RYR1: variants seen among roughly 807,000 people sequenced by gnomAD.
RYR1 encodes ryanodine receptor 1, also known as central core disease of muscle.
Under a neutral mutation model 583.5 loss-of-function variants are expected in RYR1, and 342 were observed. The ratio of observed to expected loss-of-function variants is 0.59; its 90% CI spans 0.54 to 0.64. The LOEUF (loss-of-function observed/expected upper bound fraction) is 0.64, where lower values mean the gene tolerates loss of function less well. RYR1 is among the 30% of genes least tolerant of loss of function. The probability of loss-of-function intolerance (pLI) is 0.00; values close to 1 mark genes in which losing one functional copy is unlikely to be tolerated. For synonymous variants in RYR1, 2,791 were observed against 2,822.5 expected (o/e 0.99, Z 0.35); for missense variants, 6,032 against 6,917.2 (o/e 0.87, Z 4.54).
rs367827130 is a variant in RYR1, at chr19:38,571,970, G to T, written c.13747-49G>T. 6 of 1,612,634 alleles carry T rather than the reference G, an allele frequency of 3.7e-6. No individual in the cohort carries two copies. The African/African-American group carries it at 8.0e-5, about 22-fold the overall frequency. On this transcript the variant is annotated intron_variant, in intron 94 of 105. Transcript: ENST00000359596. Reference sequence around the variant, plus strand: ...GGAATGGAGGCTCAATTTTGTGAGTGGGCTCTGCATGTGGCAGACCCACAG... The same window carrying T: ...GGAATGGAGGCTCAATTTTGTGAGTTGGCTCTGCATGTGGCAGACCCACAG...
Position 38,550,639 on chromosome 19 carries a change from G to C in RYR1, c.12282+2219G>C, listed in dbSNP as rs139659115. ...GATCCTCCTGCCTCAGCCACCCAAA[G>C]TGCTGGGATTACAGGTGTGAGTCAC... On this transcript the variant is annotated intron_variant, in intron 89 of 105. Transcript: ENST00000359596. Among the ~76,000 whole-genome samples the C allele has an allele frequency of 7.7e-3, 1,167 of 152,168 alleles. 30 individuals are homozygous for C. The highest frequency in any genetic ancestry group is 0.067 in the East Asian group (348 of 5,174).
chr19:38,519,711 C>T (rs1971139304), intron 67 of RYR1, among the ~76,000 whole-genome samples: 1 of 152,074 alleles, frequency 6.6e-6, no homozygotes, highest in African/African-American at 2.4e-5. Flanking sequence ...CAGAGCCTCG[C>T]TTTATTGCCC....
rs747337318 is a variant in RYR1 at position 38,502,924 on chromosome 19, T to C, written c.7880T>C (p.Val2627Ala). 6 of 1,611,624 alleles carry C rather than the reference T, an allele frequency of 3.7e-6. No homozygotes were observed. The African/African-American group carries it at 4.0e-5, about 11-fold the overall frequency. ...CTGCAGCACCTGTTGCGCCGCCTGG[T>C]GTTCGACGTGCCCATCCTCAACGAG... ...SMLQHLLRRL[V>A]FDVPILNEFA... The change falls in exon 49 of 106, where the codon GTG becomes GCG. Residue 2627 changes from valine to alanine, a missense_variant. Val to Ala is a moderately conservative substitution (Grantham distance 64, BLOSUM62 0). Around this residue, in one of 11 missense-constraint regions of RYR1, gnomAD observed 250 missense variants for 162.3 expected, o/e 1.54. Transcript: ENST00000359596.
intron 42 of RYR1, 98 bp downstream of exon 42, chr19:38,497,052 G>C: frequency 9.7e-7 from 1 of 1,026,738 alleles, no homozygotes; most frequent in Non-Finnish European, 1.5e-6. Context: ...ATTCTGGGGG[G>C]CAATTCTGGA....
Position 38,543,967 on chromosome 19 carries a change from C to T in RYR1, c.12012+92C>T. ...TTGCCCCTTTGGTCAGTTTGTCACCCGAGTGCTCCCGGCATGTTCCAGACT... is the reference window on the plus strand; with the variant it reads ...TTGCCCCTTTGGTCAGTTTGTCACCTGAGTGCTCCCGGCATGTTCCAGACT... On this transcript the variant is annotated intron_variant, in intron 87 of 105. Transcript: ENST00000359596. This position sits in a 1 kb window ranked among gnomAD's most constrained non-coding sequence, Gnocchi z 4.4. 1.6e-6 allele frequency: 2 copies of T among 1,231,958 alleles called. No individual in the cohort carries two copies. Among genetic ancestry groups the T allele is most frequent in the Non-Finnish European group, 2.3e-6 (2 of 863,892 alleles). The allele number at this position is 1,231,958 out of a possible 1,614,324, so 76.3% of individuals were successfully genotyped here.
intron 16 of RYR1, among the ~76,000 whole-genome samples, chr19:38,456,952 A>T (rs1967433634): frequency 6.9e-6 from 1 of 144,554 alleles, no homozygotes; most frequent in South Asian, 2.4e-4. Flanking sequence ...AGGCTGAGGC[A>T]GGAGAATGAT....
chr19:38,473,354 T>C, intron 27 of RYR1, 23 bp from the exon 28 acceptor site: 1 of 1,613,528 alleles, frequency 6.2e-7, no homozygotes, highest in Non-Finnish European at 8.5e-7. Context: ...CCCAGCCCAG[T>C]ACTCCATTCC....
intron 61 of RYR1, 96 bp from the exon 62 acceptor site, chr19:38,511,976 G>T: frequency 7.1e-7 from 1 of 1,404,658 alleles, no homozygotes; most frequent in Non-Finnish European, 9.9e-7. Flanking sequence ...CCCGCAGGTA[G>T]CCTCAGGAAG....
intron 78 of RYR1, among the ~76,000 whole-genome samples, chr19:38,533,201 A>G (rs969110459): frequency 2.0e-5 from 3 of 152,114 alleles, no homozygotes; most frequent in Non-Finnish European, 4.4e-5. Context: ...AAAGAGAAAA[A>G]TGTTCTACGT....
Position 38,486,323 on chromosome 19 carries a change from A to G in RYR1, c.5547+121A>G, listed in dbSNP as rs565993124. ...CAACCACCCATTCATTCCCTCCTCT[A>G]TACATCCATCCACCTTTCTTTTTAT... On this transcript the variant is annotated intron_variant, in intron 34 of 105. Coordinates refer to ENST00000359596, the MANE Select transcript of RYR1 (RefSeq NM_000540.3). 9 of 1,196,110 alleles carry G rather than the reference A, an allele frequency of 7.5e-6. No homozygotes were observed. In the East Asian group the frequency reaches 1.4e-4, roughly 19 times the overall value. The allele number at this position is 1,196,110 out of a possible 1,614,324, so 74.1% of individuals were successfully genotyped here.
Position 38,585,077 on chromosome 19 carries a change from C to A in RYR1, c.14781C>A (p.Val4927=). The part of the protein sequence containing the change: ...FDITFFFFVI[V]ILLAIIQGLI... ...TCACCTTCTTCTTCTTCGTCATCGT[C>A]ATCCTGTTGGCCATCATCCAGGGTC... The change falls in exon 102 of 106, where the codon GTC becomes GTA. Residue 4927 remains valine (V), a synonymous_variant. Transcript: ENST00000359596. The A allele has an allele frequency of 6.2e-7, 1 of 1,613,950 alleles. No individual in the cohort carries two copies. The highest frequency in any genetic ancestry group is 1.1e-5 in the South Asian group (1 of 91,074).
intron 58 of RYR1, among the ~76,000 whole-genome samples, chr19:38,508,437 C>T (rs193170549): frequency 6.6e-6 from 1 of 152,334 alleles, no homozygotes; most frequent in Non-Finnish European, 1.5e-5. Flanking sequence ...TGGTCTCGAT[C>T]TCTCGACCTC....
intron 76 of RYR1, among the ~76,000 whole-genome samples, chr19:38,531,693 C>T (rs1203702358): frequency 6.6e-6 from 1 of 152,058 alleles, no homozygotes; most frequent in Non-Finnish European, 1.5e-5. Flanking sequence ...CTTTGGGAGG[C>T]CAGGAGTTTG....
At chr19:38,478,291 G>A in intron 30 of RYR1, 144 bp from the exon 31 acceptor site, 2 of 866,676 alleles carry the variant, frequency 2.3e-6, no homozygotes, top group South Asian at 2.9e-5. Context: ...CGGGGCGAGG[G>A]GTTTCAGCTC....
chr19:38,570,376 C>T (rs1482402124), intron 93 of RYR1, among the ~76,000 whole-genome samples: 3 of 152,078 alleles, frequency 2.0e-5, no homozygotes, highest in Non-Finnish European at 2.9e-5. Context: ...TGCTTGAACC[C>T]GGGCGGCAGA....
intron 3 of RYR1, 38 bp from the exon 4 acceptor site, chr19:38,443,520 G>A (rs1172435478): frequency 5.7e-6 from 9 of 1,587,376 alleles, no homozygotes; most frequent in Non-Finnish European, 7.8e-6. Flanking sequence ...GAGAGTCCGG[G>A]GATCTGTGCT....
In RYR1 at chr19:38,512,310, C is replaced by T. The variant is rs148412985; in HGVS notation, c.9299C>T (p.Ser3100Leu). The T allele has an allele frequency of 6.2e-6, 10 of 1,614,098 alleles. No homozygotes were observed. Among genetic ancestry groups the T allele is most frequent in the African/African-American group, 2.7e-5 (2 of 74,934 alleles). The change falls in exon 63 of 106, where the codon TCG (serine) becomes TTG (leucine). Residue 3100 changes from serine (S) to leucine (L), a missense_variant. Ser to Leu is a moderately radical substitution (Grantham distance 145, BLOSUM62 -2). Transcript: ENST00000359596. The surrounding 1 kb of genome is among the most constrained non-coding windows in gnomAD (Gnocchi z 5.1). ...CTCCGCTCCTTCTTCGAGAGTGCCT[C>T]GGAGGACATCGAGAAGATGGTGGAG... is the stretch of plus-strand genomic sequence containing the variant. The part of the protein sequence containing the change: ...AGLRSFFESA[S>L]EDIEKMVENL...
chr19:38,444,906 A>G lies in RYR1; in HGVS notation c.631+229A>G, dbSNP rs778772637. Among the ~76,000 whole-genome samples, 21 of 151,166 alleles carry G rather than the reference A, an allele frequency of 1.4e-4. No individual in the cohort carries two copies. Among genetic ancestry groups the G allele is most frequent in the Non-Finnish European group, 2.1e-4 (14 of 67,780 alleles). ...TCAGGCTCCCAAACTTAGACCCCAA[A>G]GTATTAGCCCCCAAGGCTCCTAAAC... On this transcript the variant is annotated intron_variant, in intron 7 of 105. Coordinates refer to ENST00000359596, the MANE Select transcript of RYR1 (RefSeq NM_000540.3). This position sits in a 1 kb window ranked among gnomAD's most constrained non-coding sequence, Gnocchi z 5.1.
intron 31 of RYR1, among the ~76,000 whole-genome samples, chr19:38,481,248 T>C (rs1002374211): frequency 6.6e-6 from 1 of 152,244 alleles, no homozygotes; most frequent in Admixed American, 6.5e-5. Flanking sequence ...CACCTCAGCC[T>C]CCCAAGTGGC....
Sources: allele counts gnomAD v4.1 joint callset (sites outside exome capture counted in the v4.1 genomes callset), GRCh38; gene constraint gnomAD v4.1.1; regional missense constraint gnomAD v4.1.1; non-coding constraint Gnocchi (gnomAD v3.1); transcripts MANE v1.5; gene names NCBI Gene and HGNC (gene_info 2026-07-23, HGNC 2026-07-21).